The following DLG2 variants were observed in gnomAD, a reference collection of about 807,000 sequenced individuals.
DLG2 encodes the protein disks large homolog 2.
A neutral mutation model predicts 132.5 loss-of-function variants in DLG2; 45 were observed. The observed-to-expected ratio is 0.34, with a 90% CI of 0.27 to 0.44. DLG2 has a LOEUF of 0.44. Ranked by LOEUF, DLG2 falls within the 20% of genes least tolerant of loss-of-function variation. DLG2 has a pLI of 1.00. For missense variants in DLG2, 1,045 were observed against 1,196.9 expected (o/e 0.87, Z 1.87); for synonymous variants, 424 against 419.6 (o/e 1.01, Z -0.13).
chr11:84,315,316 G>A (rs565137330), intron 7 of DLG2, among the ~76,000 whole-genome samples: 1 of 152,198 alleles, frequency 6.6e-6, no homozygotes, highest in Non-Finnish European at 1.5e-5. Context: ...ATTTGGGTTT[G>A]GGAAATTACC....
intron 3 of DLG2, among the ~76,000 whole-genome samples, chr11:85,481,060 C>A (rs11234351): frequency 6.6e-6 from 1 of 152,294 alleles, no homozygotes; most frequent in East Asian, 1.9e-4. Flanking sequence ...TATGTAAAAT[C>A]ATATAAACTT....
chr11:85,123,360 A>C (rs1272347938), intron 5 of DLG2, among the ~76,000 whole-genome samples: 1 of 152,114 alleles, frequency 6.6e-6, no homozygotes, highest in Non-Finnish European at 1.5e-5. Context: ...GTAGGAAGAC[A>C]AATAGGGATT....
At chr11:84,930,275 C>A (rs1431920202) in intron 6 of DLG2, among the ~76,000 whole-genome samples, 1 of 152,108 alleles carries the variant, frequency 6.6e-6, no homozygotes, top group Non-Finnish European at 1.5e-5. Flanking sequence ...CTCTTATTGC[C>A]TTTTGTGCCT....
chr11:84,278,656 G>C (rs1263144837), intron 7 of DLG2, among the ~76,000 whole-genome samples: 4 of 151,982 alleles, frequency 2.6e-5, no homozygotes, highest in African/African-American at 9.7e-5. Context: ...TTTATCCTGG[G>C]AATACGAAAT....
intron 4 of DLG2, among the ~76,000 whole-genome samples, chr11:85,206,940 A>G (rs1595381470): frequency 6.6e-6 from 1 of 152,124 alleles, no homozygotes; most frequent in South Asian, 2.1e-4. Flanking sequence ...TGTAACTTCA[A>G]TTTCCTCTGG....
At chr11:83,514,296 G>C (rs1253016009) in intron 21 of DLG2, among the ~76,000 whole-genome samples, 2 of 152,120 alleles carry the variant, frequency 1.3e-5, no homozygotes, top group African/African-American at 4.8e-5. Context: ...AAGCAATTGT[G>C]AATGGGAGTT....
intron 6 of DLG2, among the ~76,000 whole-genome samples, chr11:84,984,832 G>A (rs2056270238): frequency 1.3e-5 from 2 of 152,168 alleles, no homozygotes; most frequent in South Asian, 4.1e-4. Context: ...GGCAGGAGTA[G>A]CTAGTCCTAC....
intron 3 of DLG2, among the ~76,000 whole-genome samples, chr11:85,323,455 A>C (rs2081221830): frequency 6.6e-6 from 1 of 152,242 alleles, no homozygotes; most frequent in Non-Finnish European, 1.5e-5. Flanking sequence ...AAATAAATGA[A>C]ATTAGAATAT....
At chr11:85,525,047 AC>A (rs1221366416) in intron 3 of DLG2, 2 of 152,158 alleles carry the variant, frequency 1.3e-5, no homozygotes, top group African/African-American at 4.8e-5. Flanking sequence ...TAAGAAAAAA[AC>A]ATGTAAAATT....
At chr11:83,700,355 G>T (rs906327015) in intron 18 of DLG2, among the ~76,000 whole-genome samples, 2 of 152,114 alleles carry the variant, frequency 1.3e-5, no homozygotes, top group East Asian at 3.9e-4. Flanking sequence ...GACTGCTGGG[G>T]CTTTCATTGA....
At chr11:84,254,838 G>A (rs970458467) in intron 7 of DLG2, among the ~76,000 whole-genome samples, 14 of 152,290 alleles carry the variant, frequency 9.2e-5, no homozygotes, top group Non-Finnish European at 1.8e-4. Flanking sequence ...AAGGGATCCA[G>A]AAGCCACTGC....
intron 11 of DLG2, among the ~76,000 whole-genome samples, chr11:84,055,220 C>T (rs2096477422): frequency 6.6e-6 from 1 of 151,928 alleles, no homozygotes; most frequent in Non-Finnish European, 1.5e-5. Context: ...TGAACCTCAT[C>T]CTTGAAACAC....
chr11:83,682,922 T>C (rs763655803), intron 18 of DLG2, among the ~76,000 whole-genome samples: 16 of 152,092 alleles, frequency 1.1e-4, no homozygotes, highest in Non-Finnish European at 2.1e-4. Context: ...CTTGCCCAGG[T>C]CACACAAAGT....
At chr11:84,455,320 A>C (rs895923606) in intron 7 of DLG2, among the ~76,000 whole-genome samples, 9 of 151,450 alleles carry the variant, frequency 5.9e-5, no homozygotes, top group African/African-American at 2.2e-4. Context: ...ATTCATAAAG[A>C]ATTTCAGAAA....
At chr11:85,408,192 C>A (rs1459675547) in intron 3 of DLG2, among the ~76,000 whole-genome samples, 1 of 148,034 alleles carries the variant, frequency 6.8e-6, no homozygotes, top group African/African-American at 2.5e-5. Context: ...TTATAGAAAT[C>A]TTTTTTTTGA....
chr11:84,007,703 C>G (rs1451819267), intron 11 of DLG2, among the ~76,000 whole-genome samples: 1 of 151,624 alleles, frequency 6.6e-6, no homozygotes, highest in South Asian at 2.1e-4. Flanking sequence ...ATATATGACA[C>G]AAGCACCATG....
intron 6 of DLG2, among the ~76,000 whole-genome samples, chr11:84,849,783 A>G (rs1013941084): frequency 6.6e-5 from 10 of 152,094 alleles, no homozygotes; most frequent in African/African-American, 2.4e-4. Flanking sequence ...TGCTGTTTCC[A>G]TCTTAGAAAG....
At chr11:84,871,057 G>T (rs549070053) in intron 6 of DLG2, among the ~76,000 whole-genome samples, 27 of 152,326 alleles carry the variant, frequency 1.8e-4, no homozygotes, top group African/African-American at 6.5e-4. Context: ...GGAGGATAAT[G>T]GCTGGGACAT....
intron 9 of DLG2, among the ~76,000 whole-genome samples, chr11:84,152,276 C>T (rs749644541): frequency 6.6e-6 from 1 of 151,996 alleles, no homozygotes; most frequent in Non-Finnish European, 1.5e-5. Context: ...GAATTGAACT[C>T]TTCATTATCA....
Sources: allele counts gnomAD v4.1 joint callset (sites outside exome capture counted in the v4.1 genomes callset), GRCh38; gene constraint gnomAD v4.1.1; transcripts MANE v1.5; gene names NCBI Gene and HGNC (gene_info 2026-07-23, HGNC 2026-07-21).